LRRFIP1: variants seen among roughly 807,000 people sequenced by gnomAD.
The protein encoded by LRRFIP1 is leucine-rich repeat flightless-interacting protein 1.
LRRFIP1 carries 62 observed loss-of-function variants against 104.4 expected under a neutral mutation model. That is an observed-to-expected ratio of 0.59 (90% CI 0.48 to 0.73). The LOEUF is 0.73. Among genes scored for constraint, LRRFIP1 ranks in the 30% least tolerant of loss-of-function variants. LRRFIP1 has a pLI of 0.00. For synonymous variants in LRRFIP1, 300 were observed against 299.0 expected (o/e 1.00, Z -0.03); for missense variants, 796 against 824.5 (o/e 0.97, Z 0.42).
In LRRFIP1 at chr2:237,735,870, G is replaced by C. The variant is rs1178112730; in HGVS notation, c.555+537G>C. ...AATGCGTGAGAAAAGCAACAAGGTA[G>C]AAAAATGAGATGGAACCCGTGGAAG... On this transcript the variant is annotated intron_variant, in intron 10 of 23. Coordinates refer to ENST00000308482, the MANE Select transcript of LRRFIP1 (RefSeq NM_001137550.2). The surrounding 1 kb of genome is among the most constrained non-coding windows in gnomAD (Gnocchi z 4.6). Among the ~76,000 whole-genome samples, 1 of 152,194 alleles carries C rather than the reference G, an allele frequency of 6.6e-6. No individual in the cohort carries two copies. Among genetic ancestry groups the C allele is most frequent in the Non-Finnish European group, 1.5e-5 (1 of 68,042 alleles).
intron 3 of LRRFIP1, among the ~76,000 whole-genome samples, chr2:237,716,068 A>G (rs1450852041): frequency 6.6e-6 from 1 of 152,258 alleles, no homozygotes; most frequent in Non-Finnish European, 1.5e-5. Flanking sequence ...CTGACAGTAC[A>G]GATTCTTTTG....
At chr2:237,762,976 G>A in intron 19 of LRRFIP1, 1 of 1,614,252 alleles carries the variant, frequency 6.2e-7, no homozygotes, top group South Asian at 1.1e-5. Context: ...ACCACACAGA[G>A]AATGTGGGAG....
At chr2:237,763,913 C>G (rs141499041) in intron 19 of LRRFIP1, 1 of 1,614,098 alleles carries the variant, frequency 6.2e-7, no homozygotes, top group Admixed American at 1.7e-5. Flanking sequence ...ACATGAAAGT[C>G]CCTCACAGGA....
At chr2:237,692,189 G>A (rs1383139536) in intron 1 of LRRFIP1, 2 of 1,045,260 alleles carry the variant, frequency 1.9e-6, no homozygotes, top group Admixed American at 1.1e-4. Context: ...AGGCGCCCGA[G>A]TCCCGCTTCC....
At chr2:237,681,212 T>C (rs1021049538) in intron 1 of LRRFIP1, among the ~76,000 whole-genome samples, 1 of 152,170 alleles carries the variant, frequency 6.6e-6, no homozygotes, top group Admixed American at 6.5e-5. Context: ...TTCCTTAACC[T>C]GCGTACTGTA....
chr2:237,656,297 A>G (rs1345917860), intron 1 of LRRFIP1, among the ~76,000 whole-genome samples: 1 of 152,242 alleles, frequency 6.6e-6, no homozygotes, highest in Non-Finnish European at 1.5e-5. Context: ...ACTGAGAAAA[A>G]TTAAAGAAAA....
chr2:237,754,666 A>G (rs113308028), intron 15 of LRRFIP1, among the ~76,000 whole-genome samples: 19 of 152,326 alleles, frequency 1.2e-4, no homozygotes, highest in South Asian at 6.2e-4. Flanking sequence ...TTCGACTGCT[A>G]TAGAATTGAG....
chr2:237,753,197 A>G lies in LRRFIP1; in HGVS notation c.868-112A>G, dbSNP rs1576272181. 4 of 722,846 alleles carry G rather than the reference A, an allele frequency of 5.5e-6. No individual in the cohort carries two copies. In the East Asian group the frequency reaches 1.3e-4, roughly 23 times the overall value. The allele number at this position is 722,846 out of a possible 1,614,324, so 44.8% of individuals were successfully genotyped here. ...TTTCTTCTTCTGATCCATTTGCTCT[A>G]AGAAATATAGTCTAAGTTTAGGACT... On this transcript the variant is annotated intron_variant, in intron 14 of 23. Coordinates refer to ENST00000308482, the MANE Select transcript of LRRFIP1 (RefSeq NM_001137550.2).
chr2:237,739,966 G>A (rs1441399801), intron 11 of LRRFIP1, among the ~76,000 whole-genome samples: 3 of 152,128 alleles, frequency 2.0e-5, no homozygotes, highest in East Asian at 1.9e-4. Context: ...TGGGAATGGA[G>A]GAGGGGAGGT....
intron 1 of LRRFIP1, among the ~76,000 whole-genome samples, chr2:237,652,679 A>G (rs1005292109): frequency 6.6e-6 from 1 of 152,254 alleles, no homozygotes; most frequent in African/African-American, 2.4e-5. Flanking sequence ...AAACTATCCA[A>G]AAAAGAAATC....
rs946645097 is a variant in LRRFIP1 at position 237,711,297 on chromosome 2, A to G, written c.183+2667A>G. On this transcript the variant is annotated intron_variant, in intron 2 of 23. Transcript: ENST00000308482. This position sits in a 1 kb window ranked among gnomAD's most constrained non-coding sequence, Gnocchi z 4.4. ...AGTACAGATGTCATTTGCTTAGTAG[A>G]TGGCATTCACATTTTGAAATTCTTC... Among the ~76,000 whole-genome samples, 2 of 152,184 alleles carry G rather than the reference A, an allele frequency of 1.3e-5. No individual in the cohort carries two copies. Among genetic ancestry groups the G allele is most frequent in the African/African-American group, 4.8e-5 (2 of 41,448 alleles).
At position 237,772,149 on chromosome 2, in the gene LRRFIP1, A is replaced by AGAT. The variant is rs1474754466; in HGVS notation, c.1583_1585dup (p.Asp528dup). 11 of 1,613,892 alleles carry AGAT rather than the reference A, an allele frequency of 6.8e-6. No individual in the cohort carries two copies. The highest frequency in any genetic ancestry group is 9.3e-6 in the Non-Finnish European group (11 of 1,179,880). On this transcript the variant is annotated inframe_insertion, in exon 21 of 24. Coordinates refer to ENST00000308482, the MANE Select transcript of LRRFIP1 (RefSeq NM_001137550.2). ...GCAAACTAGACAATCTTCGATCTGAAGATGATGTCTTGGAAAACGGGACAG... is the reference window on the plus strand; with the variant it reads ...GCAAACTAGACAATCTTCGATCTGAAGATGATGATGTCTTGGAAAACGGGACAG...
At chr2:237,651,671 C>A (rs2085956651) in intron 1 of LRRFIP1, among the ~76,000 whole-genome samples, 1 of 152,158 alleles carries the variant, frequency 6.6e-6, no homozygotes, top group Admixed American at 6.5e-5. Flanking sequence ...TAGGACAGTG[C>A]TGTTAGAAAT....
At chr2:237,738,768 T>C (rs1475695668) in intron 10 of LRRFIP1, among the ~76,000 whole-genome samples, 1 of 152,236 alleles carries the variant, frequency 6.6e-6, no homozygotes, top group African/African-American at 2.4e-5. Context: ...AATTTTGTAT[T>C]AACCCTAACT....
At chr2:237,769,048 T>G (rs2060416256) in intron 19 of LRRFIP1, 1 of 152,266 alleles carries the variant, frequency 6.6e-6, no homozygotes, top group Non-Finnish European at 1.5e-5. Context: ...CCTCTGAGCC[T>G]CATCTATAGA....
chr2:237,730,543 G>A (rs1004528707), intron 8 of LRRFIP1, among the ~76,000 whole-genome samples: 33 of 152,176 alleles, frequency 2.2e-4, no homozygotes, highest in Non-Finnish European at 2.9e-5. Flanking sequence ...CCGGAGACCA[G>A]TACAGGAGTG....
chr2:237,690,627 C>T (rs995914480), intron 1 of LRRFIP1, among the ~76,000 whole-genome samples: 1 of 151,586 alleles, frequency 6.6e-6, no homozygotes, highest in African/African-American at 2.4e-5. Context: ...ATCCCACCTA[C>T]TCGGGAGGCT....
intron 8 of LRRFIP1, among the ~76,000 whole-genome samples, chr2:237,728,953 C>T (rs180864482): frequency 6.6e-5 from 10 of 152,294 alleles, no homozygotes; most frequent in African/African-American, 2.4e-4. Context: ...GACAAAGTCT[C>T]GTGCCCTCAC....
chr2:237,642,360 C>T (rs1350468184), intron 1 of LRRFIP1, among the ~76,000 whole-genome samples: 3 of 152,086 alleles, frequency 2.0e-5, no homozygotes, highest in South Asian at 4.2e-4. Flanking sequence ...CTCAGGTTCC[C>T]AGTCCCAGGT....
Sources: allele counts gnomAD v4.1 joint callset (sites outside exome capture counted in the v4.1 genomes callset), GRCh38; gene constraint gnomAD v4.1.1; non-coding constraint Gnocchi (gnomAD v3.1); transcripts MANE v1.5; gene names NCBI Gene and HGNC (gene_info 2026-07-23, HGNC 2026-07-21).